Variants in LAMA4 observed in about 807,000 individuals in gnomAD.
The protein encoded by LAMA4 is laminin subunit alpha 4.
Under a neutral mutation model 207.1 loss-of-function variants are expected in LAMA4, and 127 were observed. The observed-to-expected ratio is 0.61, with a 90% confidence interval of 0.53 to 0.71. The LOEUF (loss-of-function observed/expected upper bound fraction) is 0.71, where lower values mean the gene tolerates loss of function less well. Ranked by LOEUF, LAMA4 falls within the 30% of genes least tolerant of loss-of-function variation. The pLI is 0.00. For synonymous variants in LAMA4, 761 were observed against 816.0 expected (o/e 0.93, Z 1.15); for missense variants, 2,093 against 2,246.5 (o/e 0.93, Z 1.38).
chr6:112,204,900 G>A (rs3777925), intron 4 of LAMA4, among the ~76,000 whole-genome samples: 16,191 of 152,206 alleles, frequency 0.11, 1,227 homozygotes, highest in Admixed American at 0.21. Context: ...ACTGAAACTC[G>A]TCTGACTACT....
At position 112,185,295 on chromosome 6, in the gene LAMA4, T is replaced by C; in HGVS notation, c.1019A>G (p.Asn340Ser). 6.2e-7 allele frequency: 1 copy of C among 1,613,828 alleles called. No individual in the cohort carries two copies. Among genetic ancestry groups the C allele is most frequent in the African/African-American group, 1.3e-5 (1 of 75,060 alleles). The change falls in exon 9 of 39, where the codon AAC becomes AGC. Residue 340 changes from asparagine (N) to serine (S), a missense_variant. By Grantham distance (46) the Asn-to-Ser change is conservative (BLOSUM62 1). Around this residue, in one of 3 missense-constraint regions of LAMA4, gnomAD observed 1,704 missense variants for 1,788.4 expected, o/e 0.95. Coordinates refer to ENST00000230538, the MANE Select transcript of LAMA4 (RefSeq NM_001105206.3). ...GCTTTTCATCGTGTTCTCAGCATTGTTGATTTGTATCTTTCTTAGGGCGTA... is the reference window on the plus strand; with the variant it reads ...GCTTTTCATCGTGTTCTCAGCATTGCTGATTTGTATCTTTCTTAGGGCGTA... ...NQYALRKIQI[N>S]NAENTMKSLL...
At chr6:112,133,118 C>A (rs1779139193) in intron 27 of LAMA4, among the ~76,000 whole-genome samples, 3 of 152,082 alleles carry the variant, frequency 2.0e-5, no homozygotes, top group Admixed American at 1.3e-4. Context: ...GCTAGCACAC[C>A]CTCTCTGGGT....
intron 12 of LAMA4, among the ~76,000 whole-genome samples, chr6:112,166,664 T>A (rs538520155): frequency 2.0e-4 from 31 of 152,312 alleles, no homozygotes; most frequent in Admixed American, 1.5e-3. Context: ...TGAAAAACAA[T>A]ATGCTTCAAG....
rs140701533 is a variant in LAMA4 at position 112,232,215 on chromosome 6, A to C, written c.196-15746T>G. On this transcript the variant is annotated intron_variant, in intron 2 of 38. Coordinates refer to ENST00000230538, the MANE Select transcript of LAMA4 (RefSeq NM_001105206.3). ...CTGCTTACAGAAAGCAAGGCAGATG[A>C]ATTACCATCCTGAACACTCAGCTCC... Among the ~76,000 whole-genome samples the C allele has an allele frequency of 3.5e-4, 54 of 152,342 alleles. No homozygotes were observed. The East Asian group carries it at 9.5e-3, about 27-fold the overall frequency.
chr6:112,243,601 C>T (rs953851346), intron 2 of LAMA4, among the ~76,000 whole-genome samples: 1 of 152,082 alleles, frequency 6.6e-6, no homozygotes, highest in Non-Finnish European at 1.5e-5. Context: ...CAGAAAGTTA[C>T]AGACTCATAG....
At chr6:112,253,221 G>C (rs1410644398) in intron 2 of LAMA4, 1 of 162,608 alleles carries the variant, frequency 6.1e-6, no homozygotes, top group East Asian at 1.8e-4. Context: ...GTCTGTTTCA[G>C]TTCAGGGGTT....
chr6:112,170,183 A>G (rs1781629644), intron 12 of LAMA4, among the ~76,000 whole-genome samples: 1 of 152,226 alleles, frequency 6.6e-6, no homozygotes, highest in African/African-American at 2.4e-5. Context: ...AACCAAATAC[A>G]GTTTATCATT....
At position 112,201,661 on chromosome 6, in the gene LAMA4, A is replaced by AT. The variant is rs1249093492; in HGVS notation, c.449dup (p.Asn150LysfsTer9). On this transcript the variant is annotated frameshift_variant, in exon 5 of 39. Transcript: ENST00000230538. LOFTEE classifies it high-confidence loss of function. ...CGTTACAAATGCACCGAACAGCTCCATTTTTCCTATAGCAGGATTCTGCAA... is the reference window on the plus strand; with the variant it reads ...CGTTACAAATGCACCGAACAGCTCCATTTTTTCCTATAGCAGGATTCTGCAA... 13 of 1,613,792 alleles carry AT rather than the reference A, an allele frequency of 8.1e-6. No homozygotes were observed. The highest frequency in any genetic ancestry group is 1.1e-5 in the Non-Finnish European group (13 of 1,179,844).
intron 2 of LAMA4, among the ~76,000 whole-genome samples, chr6:112,246,955 CCTT>C (rs1786993496): frequency 6.6e-6 from 1 of 152,144 alleles, no homozygotes; most frequent in Non-Finnish European, 1.5e-5. Context: ...TAAATGACAG[CCTT>C]CTTCTCCAAT....
intron 2 of LAMA4, among the ~76,000 whole-genome samples, chr6:112,252,999 A>G (rs1440880721): frequency 6.6e-6 from 1 of 152,208 alleles, no homozygotes; most frequent in Non-Finnish European, 1.5e-5. Flanking sequence ...AATTGTACTA[A>G]CAATTAACAG....
Position 112,139,125 on chromosome 6 carries a change from T to C in LAMA4, c.3277A>G (p.Asn1093Asp), listed in dbSNP as rs782550866. Residue 1093 changes from asparagine to aspartate, a missense_variant, in exon 24 of 39, where the codon AAT becomes GAT. Physicochemically the swap from Asn to Asp is conservative, Grantham distance 23 (BLOSUM62 1). Around this residue, in one of 3 missense-constraint regions of LAMA4, gnomAD observed 1,704 missense variants for 1,788.4 expected, o/e 0.95. Coordinates refer to ENST00000230538, the MANE Select transcript of LAMA4 (RefSeq NM_001105206.3). ...GGACTTGTATTTTTACTCACTCCATTGACCATCAGGAGAATAAGGCCGTTG... is the reference window on the plus strand; with the variant it reads ...GGACTTGTATTTTTACTCACTCCATCGACCATCAGGAGAATAAGGCCGTTG... ...ADNGLILLMV[N>D]GSMFFRLEMR... 8.1e-6 allele frequency: 13 copies of C among 1,613,786 alleles called. No individual in the cohort carries two copies. The highest frequency in any genetic ancestry group is 9.3e-6 in the Non-Finnish European group (11 of 1,179,778).
Position 112,175,353 on chromosome 6 carries a change from T to C in LAMA4, c.1317A>G (p.Gln439=). ...CTGCCTCCTCATCCACGAGCTCCCG[T>C]TGGGTGAAAAATGGTTGACGGCTTC... The part of the protein sequence containing the change: ...EIRSRQPFFT[Q]RELVDEEADE... The change falls in exon 11 of 39, where the codon CAA becomes CAG. Residue 439 remains glutamine, a synonymous_variant. Coordinates refer to ENST00000230538, the MANE Select transcript of LAMA4 (RefSeq NM_001105206.3). The C allele has an allele frequency of 2.5e-6, 4 of 1,614,034 alleles. No individual in the cohort carries two copies. Among genetic ancestry groups the C allele is most frequent in the Non-Finnish European group, 2.5e-6 (3 of 1,179,990 alleles).
intron 4 of LAMA4, among the ~76,000 whole-genome samples, chr6:112,204,515 C>A (rs1479965312): frequency 1.3e-5 from 2 of 150,320 alleles, no homozygotes; most frequent in East Asian, 1.9e-4. Context: ...CGCCTATAAA[C>A]CTTTTCTGAG....
At chr6:112,253,853 A>C (rs1554190389) in intron 2 of LAMA4, 103 bp downstream of exon 2, 1 of 1,614,250 alleles carries the variant, frequency 6.2e-7, no homozygotes, top group Non-Finnish European at 8.5e-7. Context: ...CTCTCAAGGC[A>C]CTGGGGAGAG....
At chr6:112,133,514 T>C in intron 26 of LAMA4, 27 bp from the exon 27 acceptor site, 1 of 1,613,234 alleles carries the variant, frequency 6.2e-7, no homozygotes, top group South Asian at 1.1e-5. Flanking sequence ...GCCTCACTGA[T>C]ACAGCCATGA....
At chr6:112,203,738 A>T (rs1165922724) in intron 4 of LAMA4, among the ~76,000 whole-genome samples, 1 of 152,124 alleles carries the variant, frequency 6.6e-6, no homozygotes, top group Non-Finnish European at 1.5e-5. Flanking sequence ...CACCCTTACC[A>T]ATTCCTCCCT....
intron 14 of LAMA4, chr6:112,157,829 T>A (rs1441886384): frequency 6.6e-6 from 1 of 152,192 alleles, no homozygotes; most frequent in Non-Finnish European, 1.5e-5. Flanking sequence ...TCTAGGGCCA[T>A]GATACCGAGT....
At chr6:112,253,707 G>C in intron 2 of LAMA4, 1 of 1,590,112 alleles carries the variant, frequency 6.3e-7, no homozygotes, top group East Asian at 2.2e-5. Flanking sequence ...TGAACTCAGA[G>C]CACCAACACA....
intron 2 of LAMA4, among the ~76,000 whole-genome samples, chr6:112,224,181 G>A (rs1785073679): frequency 2.0e-5 from 3 of 152,210 alleles, no homozygotes; most frequent in African/African-American, 7.2e-5. Context: ...TGTGTTGGAT[G>A]AGCCTTGACA....
Sources: allele counts gnomAD v4.1 joint callset (sites outside exome capture counted in the v4.1 genomes callset), GRCh38; gene constraint gnomAD v4.1.1; regional missense constraint gnomAD v4.1.1; transcripts MANE v1.5; gene names NCBI Gene and HGNC (gene_info 2026-07-23, HGNC 2026-07-21).